Variants in DLG2 observed in about 807,000 individuals in gnomAD.
DLG2 encodes discs large MAGUK scaffold protein 2, also known as disks large homolog 2.
A neutral mutation model predicts 132.5 loss-of-function variants in DLG2; 45 were observed. That is an observed-to-expected ratio of 0.34 (90% confidence interval 0.27 to 0.44). The LOEUF is 0.44. DLG2 is among the 20% of genes least tolerant of loss of function. The pLI, the probability that DLG2 is intolerant of heterozygous loss-of-function variation, is 1.00. For missense variants in DLG2, 1,045 were observed against 1,196.9 expected (o/e 0.87, Z 1.87); for synonymous variants, 424 against 419.6 (o/e 1.01, Z -0.13).
chr11:84,118,469 G>A (rs1033816265), intron 9 of DLG2, among the ~76,000 whole-genome samples: 4 of 152,152 alleles, frequency 2.6e-5, no homozygotes, highest in Non-Finnish European at 5.9e-5. Context: ...CTACTAGAGT[G>A]AAGTATAGCC....
intron 15 of DLG2, among the ~76,000 whole-genome samples, chr11:83,911,440 A>T (rs1399655208): frequency 2.0e-5 from 3 of 152,084 alleles, no homozygotes; most frequent in African/African-American, 7.2e-5. Context: ...CTTGTCTTAG[A>T]TTGAGTGTTT....
At chr11:84,949,394 G>C (rs1317760741) in intron 6 of DLG2, among the ~76,000 whole-genome samples, 1 of 152,124 alleles carries the variant, frequency 6.6e-6, no homozygotes, top group Non-Finnish European at 1.5e-5. Flanking sequence ...ACAGGGATTT[G>C]AGATCAACCA....
chr11:85,143,521 G>A (rs1178308697), intron 5 of DLG2, among the ~76,000 whole-genome samples: 2 of 151,448 alleles, frequency 1.3e-5, no homozygotes, highest in Non-Finnish European at 3.0e-5. Context: ...TGTATCATTA[G>A]GTTATTTATT....
At chr11:84,502,207 CTT>C (rs1213822301) in intron 7 of DLG2, among the ~76,000 whole-genome samples, 1 of 3,810 alleles carries the variant, frequency 2.6e-4, no homozygotes, top group East Asian at 2.9e-3. Flanking sequence ...TCTCTCCTTC[CTT>C]CCTTCCTTCC....
At chr11:84,015,615 T>A (rs1274887503) in intron 11 of DLG2, among the ~76,000 whole-genome samples, 1 of 152,156 alleles carries the variant, frequency 6.6e-6, no homozygotes, top group Admixed American at 6.6e-5. Context: ...AGCTCCCAGT[T>A]ATAAGTGGGA....
chr11:84,209,984 C>T (rs974633359), intron 8 of DLG2, among the ~76,000 whole-genome samples: 2 of 152,106 alleles, frequency 1.3e-5, no homozygotes, highest in African/African-American at 4.8e-5. Flanking sequence ...TTCTAGTTAT[C>T]TACTCCAAAT....
intron 14 of DLG2, among the ~76,000 whole-genome samples, chr11:83,951,771 T>C (rs768743809): frequency 6.6e-6 from 1 of 152,148 alleles, no homozygotes; most frequent in Non-Finnish European, 1.5e-5. Flanking sequence ...CCAGATGACG[T>C]GATCTGAATT....
At chr11:84,796,698 C>A (rs2074663395) in intron 6 of DLG2, among the ~76,000 whole-genome samples, 1 of 71,612 alleles carries the variant, frequency 1.4e-5, no homozygotes, top group Admixed American at 1.6e-4. Flanking sequence ...CCCCCTGCAG[C>A]ACTTTAAATA....
chr11:83,664,301 G>A (rs917721038), intron 18 of DLG2, among the ~76,000 whole-genome samples: 1 of 152,310 alleles, frequency 6.6e-6, no homozygotes, highest in Non-Finnish European at 1.5e-5. Context: ...TACTAGAGAG[G>A]TTATGTAGTT....
At chr11:84,166,808 C>A in intron 8 of DLG2, 1 of 436,132 alleles carries the variant, frequency 2.3e-6, no homozygotes, top group South Asian at 1.8e-5. Context: ...TGCAAACAAT[C>A]CATTGTTGTT....
At chr11:85,334,187 C>T (rs2081971214) in intron 3 of DLG2, among the ~76,000 whole-genome samples, 1 of 152,072 alleles carries the variant, frequency 6.6e-6, no homozygotes, top group Non-Finnish European at 1.5e-5. Flanking sequence ...GGAGTTTATC[C>T]ATTACTTCTA....
intron 6 of DLG2, among the ~76,000 whole-genome samples, chr11:85,050,118 T>TCACACACACACACACA (rs33991615): frequency 0.03 from 4,117 of 136,602 alleles, 86 homozygotes; most frequent in South Asian, 0.057. Flanking sequence ...CACTGTGTCA[T>TCACACACACACACACA]CACACACACA....
intron 6 of DLG2, among the ~76,000 whole-genome samples, chr11:85,106,200 T>A (rs1461888664): frequency 6.6e-6 from 1 of 151,936 alleles, no homozygotes; most frequent in Non-Finnish European, 1.5e-5. Context: ...AGAGAGAAAT[T>A]ACTTTCATAT....
intron 4 of DLG2, among the ~76,000 whole-genome samples, chr11:85,262,906 T>A (rs1038259542): frequency 6.6e-6 from 1 of 152,180 alleles, no homozygotes; most frequent in Non-Finnish European, 1.5e-5. Flanking sequence ...AAATTAGACA[T>A]TTCTTTTTGA....
At chr11:84,459,069 C>A (rs2099073211) in intron 7 of DLG2, among the ~76,000 whole-genome samples, 1 of 150,618 alleles carries the variant, frequency 6.6e-6, no homozygotes, top group Non-Finnish European at 1.5e-5. Context: ...CCTAAGCCTG[C>A]ACTCTTAACT....
chr11:84,812,526 G>A (rs150688049), intron 6 of DLG2, among the ~76,000 whole-genome samples: 78 of 152,246 alleles, frequency 5.1e-4, no homozygotes, highest in Middle Eastern at 6.8e-3. Flanking sequence ...CCTGTGTCAT[G>A]TGATGCCTCT....
intron 8 of DLG2, among the ~76,000 whole-genome samples, chr11:84,180,898 T>A (rs2096104293): frequency 6.6e-6 from 1 of 151,910 alleles, no homozygotes; most frequent in South Asian, 2.1e-4. Context: ...AGTAGACCTA[T>A]CTTGAGAGAA....
chr11:85,255,780 C>A (rs902498928), intron 4 of DLG2, among the ~76,000 whole-genome samples: 4 of 151,638 alleles, frequency 2.6e-5, no homozygotes, highest in Non-Finnish European at 4.4e-5. Context: ...GGAAGGAAAG[C>A]AGACAGAAAT....
chr11:83,901,978 T>C (rs1461536840), intron 15 of DLG2, among the ~76,000 whole-genome samples: 1 of 152,192 alleles, frequency 6.6e-6, no homozygotes, highest in Non-Finnish European at 1.5e-5. Flanking sequence ...ATTATTACTA[T>C]TATTACTTTC....
Sources: allele counts gnomAD v4.1 joint callset (sites outside exome capture counted in the v4.1 genomes callset), GRCh38; gene constraint gnomAD v4.1.1; transcripts MANE v1.5; gene names NCBI Gene and HGNC (gene_info 2026-07-23, HGNC 2026-07-21).